The following CNBD2 variants were observed in gnomAD, a reference collection of about 807,000 sequenced individuals.
CNBD2 encodes the protein cyclic nucleotide-binding domain-containing protein 2.
In CNBD2, 64 loss-of-function variants were observed where a neutral mutation model predicts 63.7. That is an observed-to-expected ratio of 1.00 (90% CI 0.82 to 1.24). CNBD2 has a LOEUF of 1.24. Among genes scored for constraint, CNBD2 ranks in the 50% most tolerant of loss-of-function variants. CNBD2 has a pLI of 0.00. For synonymous variants in CNBD2, 229 were observed against 255.4 expected (o/e 0.90, Z 0.99); for missense variants, 691 against 713.5 (o/e 0.97, Z 0.36).
chr20:36,019,636 C>T (rs1460669384), intron 10 of CNBD2, among the ~76,000 whole-genome samples: 1 of 148,378 alleles, frequency 6.7e-6, no homozygotes, highest in Non-Finnish European at 1.5e-5. Flanking sequence ...AGGGAGGAGG[C>T]GTGTTGGGGG....
chr20:35,981,453 T>C (rs1427362503), intron 4 of CNBD2, among the ~76,000 whole-genome samples: 1 of 152,130 alleles, frequency 6.6e-6, no homozygotes, highest in Non-Finnish European at 1.5e-5. Flanking sequence ...TTATTATTTT[T>C]TGAGATGGGT....
rs142929392 is a variant in CNBD2 at position 35,987,462 on chromosome 20, G to A, written c.784G>A (p.Glu262Lys). The change falls in exon 7 of 12, where the codon GAG (glutamate) becomes AAG (lysine). Residue 262 changes from glutamate (E) to lysine (K), a missense_variant. Coordinates refer to ENST00000373973, the MANE Select transcript of CNBD2 (RefSeq NM_001365709.1). ...LWQLVAMAKIERFSYGQLISK... is the reference protein window; with the variant it reads ...LWQLVAMAKIKRFSYGQLISK... The stretch of plus-strand genomic sequence containing the variant: ...GCAGCTGGTAGCCATGGCGAAGATA[G>A]AGAGGTTCTCGTATGGGCAGCTGAT... The A allele has an allele frequency of 5.2e-4, 833 of 1,614,192 alleles. 2 individuals are homozygous for A. The African/African-American group carries it at 9.3e-3, about 18-fold the overall frequency.
intron 8 of CNBD2, among the ~76,000 whole-genome samples, chr20:36,002,350 C>G (rs1285682093): frequency 6.6e-6 from 1 of 152,214 alleles, no homozygotes; most frequent in Non-Finnish European, 1.5e-5. Context: ...GGCAGCAGTA[C>G]AGTCCAGCTT....
chr20:35,971,709 C>T (rs60162421), intron 1 of CNBD2, among the ~76,000 whole-genome samples: 8,513 of 152,316 alleles, frequency 0.056, 325 homozygotes, highest in South Asian at 0.21. Flanking sequence ...AGCCACCGCA[C>T]CTGGCCTAGG....
intron 4 of CNBD2, 125 bp from the exon 5 acceptor site, chr20:35,983,857 G>A (rs1166935197): frequency 4.7e-6 from 5 of 1,058,388 alleles, no homozygotes; most frequent in East Asian, 2.4e-5. Context: ...TGTCCTGAGG[G>A]CCCTTCTGGT....
chr20:36,023,291 G>A (rs570293623), intron 10 of CNBD2, among the ~76,000 whole-genome samples: 1 of 152,232 alleles, frequency 6.6e-6, no homozygotes, highest in Non-Finnish European at 1.5e-5. Context: ...TTGGGAGACC[G>A]AGGCGGGTAG....
chr20:35,960,944 C>T (rs1307014425), intron 2 of CNBD2, among the ~76,000 whole-genome samples: 5 of 151,312 alleles, frequency 3.3e-5, no homozygotes, highest in Non-Finnish European at 5.9e-5. Context: ...CCCCTCCTCC[C>T]GCTTTTTCTT....
chr20:35,982,727 AT>A (rs111477946), intron 4 of CNBD2, among the ~76,000 whole-genome samples: 4,626 of 145,766 alleles, frequency 0.032, 222 homozygotes, highest in African/African-American at 0.11. Flanking sequence ...ATTGTGCCCA[AT>A]TTTTTTTTTT....
chr20:35,957,060 A>C (rs2056263536), downstream of CNBD2, among the ~76,000 whole-genome samples: 1 of 152,198 alleles, frequency 6.6e-6, no homozygotes, highest in Non-Finnish European at 1.5e-5. Context: ...GGCACCTGGA[A>C]TCATGAGATG....
Position 36,005,415 on chromosome 20 carries a change from A to T in CNBD2, c.971-2882A>T, listed in dbSNP as rs193206603. ...GGAGCTCAGGTGATAATGCTCATGC[A>T]CCTGCCACTCATCTCCTGCTGTACA... On this transcript the variant is annotated intron_variant, in intron 8 of 11. Transcript: ENST00000373973. 5.5e-3 allele frequency among the ~76,000 whole-genome samples: 835 copies of T among 151,986 alleles called. 9 individuals are homozygous for T. The highest frequency in any genetic ancestry group is 0.019 in the African/African-American group (768 of 41,510).
intron 7 of CNBD2, among the ~76,000 whole-genome samples, chr20:35,991,700 T>C (rs1018269077): frequency 1.3e-5 from 2 of 152,194 alleles, no homozygotes; most frequent in African/African-American, 4.8e-5. Flanking sequence ...GTTCTTCATC[T>C]GTTTTGCCTC....
downstream of CNBD2, among the ~76,000 whole-genome samples, chr20:35,959,643 A>G (rs1167069322): frequency 2.0e-5 from 3 of 152,226 alleles, no homozygotes; most frequent in African/African-American, 4.8e-5. Flanking sequence ...CGTGGGAATT[A>G]TGAGAGCTAC....
chr20:36,000,899 C>T (rs534924553), intron 8 of CNBD2, among the ~76,000 whole-genome samples: 5,327 of 151,538 alleles, frequency 0.035, 327 homozygotes, highest in African/African-American at 0.12. Context: ...CTGCGGCCTT[C>T]CGCAGTGTTT....
intron 1 of CNBD2, among the ~76,000 whole-genome samples, 192 bp downstream of exon 1, chr20:35,969,005 A>G (rs1259622628): frequency 6.6e-6 from 1 of 152,164 alleles, no homozygotes; most frequent in Non-Finnish European, 1.5e-5. Context: ...TGGGCAAGCC[A>G]TAAGCCACAC....
intron 2 of CNBD2, among the ~76,000 whole-genome samples, chr20:35,962,415 C>A (rs1040962233): frequency 6.6e-6 from 1 of 152,104 alleles, no homozygotes; most frequent in Non-Finnish European, 1.5e-5. Context: ...CCCACCACCA[C>A]GCCCAGCTAA....
chr20:35,979,825 T>C (rs1381731407), intron 3 of CNBD2, among the ~76,000 whole-genome samples: 1 of 152,060 alleles, frequency 6.6e-6, no homozygotes, highest in African/African-American at 2.4e-5. Context: ...GCTTAGCACA[T>C]GCCAGGGACA....
intron 6 of CNBD2, among the ~76,000 whole-genome samples, chr20:35,986,871 G>A (rs1476651681): frequency 6.6e-6 from 1 of 152,236 alleles, no homozygotes; most frequent in African/African-American, 2.4e-5. Context: ...CCCACAGGGA[G>A]CAACAGGCAG....
At chr20:35,960,116 G>A (rs987192373), downstream of CNBD2, among the ~76,000 whole-genome samples, 2 of 152,188 alleles carry the variant, frequency 1.3e-5, no homozygotes, top group African/African-American at 4.8e-5. Flanking sequence ...ACTTCCTTAA[G>A]CTGTAATCCC....
intron 11 of CNBD2, among the ~76,000 whole-genome samples, chr20:36,027,296 G>C (rs1398323461): frequency 6.6e-6 from 1 of 152,200 alleles, no homozygotes; most frequent in East Asian, 1.9e-4. Flanking sequence ...TATGAAGGCA[G>C]ACAGAGCTGC....
Sources: gnomAD v4.1 joint callset for allele counts (sites outside exome capture counted in the v4.1 genomes callset) on GRCh38, gnomAD v4.1.1 for gene constraint, MANE v1.5 for transcripts, NCBI Gene and HGNC (gene_info 2026-07-23, HGNC 2026-07-21) for gene names.